The following UNC13A variants were observed in gnomAD, a reference collection of about 807,000 sequenced individuals.
The protein encoded by UNC13A is unc-13 homolog A.
A neutral mutation model predicts 219.7 loss-of-function variants in UNC13A; 61 were observed. The observed-to-expected ratio is 0.28, with a 90% CI of 0.23 to 0.34. The LOEUF is 0.34. UNC13A is among the 10% of genes least tolerant of loss of function. The probability of loss-of-function intolerance (pLI) is 1.00; values close to 1 mark genes in which losing one functional copy is unlikely to be tolerated. For synonymous variants in UNC13A, 920 were observed against 884.6 expected (o/e 1.04, Z -0.71); for missense variants, 1,476 against 2,270.3 (o/e 0.65, Z 7.11).
intron 11 of UNC13A, among the ~76,000 whole-genome samples, chr19:17,653,629 G>A (rs1425121560): frequency 2.7e-5 from 4 of 150,768 alleles, no homozygotes; most frequent in Non-Finnish European, 4.4e-5. Context: ...GATTACAGGC[G>A]TGAGCCACTG....
intron 34 of UNC13A, among the ~76,000 whole-genome samples, chr19:17,625,901 C>T (rs916009149): frequency 6.6e-6 from 1 of 151,756 alleles, no homozygotes; most frequent in East Asian, 1.9e-4. Flanking sequence ...ATTCAATGAT[C>T]TAAATATCTA....
chr19:17,674,574 C>T lies in UNC13A; in HGVS notation c.152+83G>A. The T allele has an allele frequency of 8.0e-7, 1 of 1,256,862 alleles. No individual in the cohort carries two copies. The highest frequency in any genetic ancestry group is 1.8e-5 in the Admixed American group (1 of 57,142). The allele number at this position is 1,256,862 out of a possible 1,614,324, so 77.9% of individuals were successfully genotyped here. A position where few individuals can be genotyped will look rare whatever the true frequency, so the allele number is the denominator to read the frequency against. ...CAGAGGGGAGTCACCCGGGATTCCC[C>T]AGTGTCCAGCTCTGCCCTGAGGGGC... On this transcript the variant is annotated intron_variant, in intron 3 of 43. Coordinates refer to ENST00000519716, the MANE Select transcript of UNC13A (RefSeq NM_001080421.3). This position sits in a 1 kb window ranked among gnomAD's most constrained non-coding sequence, Gnocchi z 5.0.
At chr19:17,680,588 C>A (rs1389536199) in intron 1 of UNC13A, among the ~76,000 whole-genome samples, 1 of 152,042 alleles carries the variant, frequency 6.6e-6, no homozygotes, top group African/African-American at 2.4e-5. Flanking sequence ...TGCGGGACAC[C>A]CCTGCAGCCT....
chr19:17,632,710 C>T (rs1568514442), intron 28 of UNC13A, 72 bp downstream of exon 28: 1 of 1,607,682 alleles, frequency 6.2e-7, no homozygotes, highest in Non-Finnish European at 8.5e-7. Context: ...GGTCAGTCTT[C>T]CTCTCTGGCT....
chr19:17,641,764 A>T (rs2076972702), intron 20 of UNC13A, among the ~76,000 whole-genome samples: 1 of 151,758 alleles, frequency 6.6e-6, no homozygotes, highest in Non-Finnish European at 1.5e-5. Flanking sequence ...ATTCAACCAC[A>T]CATCCATCCA....
intron 41 of UNC13A, among the ~76,000 whole-genome samples, chr19:17,615,518 A>C (rs938631215): frequency 2.0e-5 from 3 of 152,228 alleles, no homozygotes; most frequent in Non-Finnish European, 4.4e-5. Context: ...GTCTCTACTA[A>C]AAATACAAAA....
At chr19:17,667,601 G>A (rs1257129199) in intron 6 of UNC13A, among the ~76,000 whole-genome samples, 1 of 151,822 alleles carries the variant, frequency 6.6e-6, no homozygotes, top group African/African-American at 2.4e-5. Flanking sequence ...AGCCTCCCAA[G>A]GAGCTGGAAT....
At chr19:17,684,197 T>C (rs1328917946) in intron 1 of UNC13A, among the ~76,000 whole-genome samples, 1 of 152,218 alleles carries the variant, frequency 6.6e-6, no homozygotes, top group Non-Finnish European at 1.5e-5. Context: ...CTTTTGCTCA[T>C]GCTGTTCCCT....
chr19:17,686,536 A>G (rs566784143), intron 1 of UNC13A, among the ~76,000 whole-genome samples: 10 of 152,014 alleles, frequency 6.6e-5, no homozygotes, highest in African/African-American at 2.4e-4. Flanking sequence ...TTCCGTCCTC[A>G]GGCCTAGGCG....
intron 2 of UNC13A, among the ~76,000 whole-genome samples, chr19:17,675,342 A>T (rs2079876511): frequency 1.3e-5 from 2 of 151,594 alleles, no homozygotes; most frequent in Admixed American, 1.3e-4. Context: ...AAATAATAAT[A>T]ATAAAAAGGC....
At chr19:17,635,716 CTAT>C (rs368029747) in intron 26 of UNC13A, among the ~76,000 whole-genome samples, 127 of 152,212 alleles carry the variant, frequency 8.3e-4, no homozygotes, top group African/African-American at 2.9e-3. Context: ...TTGAGCAACA[CTAT>C]TATTAATTAA....
At position 17,606,014 on chromosome 19, in the gene UNC13A, C is replaced by A; in HGVS notation, c.*40G>T. On this transcript the variant is annotated 3_prime_UTR_variant, in exon 44 of 44. Coordinates refer to ENST00000519716, the MANE Select transcript of UNC13A (RefSeq NM_001080421.3). Reference sequence around the variant, plus strand: ...AGCCCCGTCCCTCCCCGCCCAGCGCCCTCCGCGCAGGCGCAGTGCCGCTCG... The same window carrying A: ...AGCCCCGTCCCTCCCCGCCCAGCGCACTCCGCGCAGGCGCAGTGCCGCTCG... 1 of 1,400,652 alleles carries A rather than the reference C, an allele frequency of 7.1e-7. No homozygotes were observed. 86.8% of individuals were successfully genotyped at this position (1,400,652 alleles called of 1,614,324 possible). A position where few individuals can be genotyped will look rare whatever the true frequency, so the allele number is the denominator to read the frequency against.
intron 17 of UNC13A, among the ~76,000 whole-genome samples, chr19:17,646,681 G>T (rs2077030554): frequency 6.6e-6 from 1 of 151,770 alleles, no homozygotes; most frequent in Non-Finnish European, 1.5e-5. Context: ...GCCCCCTGCA[G>T]GGTTCCTTCC....
intron 1 of UNC13A, among the ~76,000 whole-genome samples, chr19:17,679,688 C>T (rs1183562227): frequency 1.3e-5 from 2 of 152,100 alleles, no homozygotes; most frequent in African/African-American, 2.4e-5. Context: ...TCTGTTCTCT[C>T]TCTCTCTTTC....
intron 4 of UNC13A, 123 bp downstream of exon 4, chr19:17,672,255 C>T: frequency 2.5e-6 from 2 of 787,366 alleles, no homozygotes; most frequent in Middle Eastern, 2.3e-4. Flanking sequence ...CGTGGCAATC[C>T]CAAGTGTCTA....
chr19:17,630,830 C>G, intron 28 of UNC13A, 80 bp from the exon 29 acceptor site: 2 of 1,314,458 alleles, frequency 1.5e-6, no homozygotes, highest in East Asian at 2.3e-5. Flanking sequence ...GACCCACTAA[C>G]GAGTGGAGCT....
chr19:17,684,492 C>A (rs570325957), intron 1 of UNC13A, among the ~76,000 whole-genome samples: 1 of 152,306 alleles, frequency 6.6e-6, no homozygotes, highest in East Asian at 1.9e-4. Context: ...TAAGTGACTT[C>A]ATGAAGGAAC....
Position 17,649,992 on chromosome 19 carries a change from G to C in UNC13A, c.1440-405C>G, listed in dbSNP as rs1022819028. On this transcript the variant is annotated intron_variant, in intron 12 of 43. Transcript: ENST00000519716. This position sits in a 1 kb window ranked among gnomAD's most constrained non-coding sequence, Gnocchi z 4.4. ...GGAATTCTCTTCTACAGATTTCAGA[G>C]GGAGCATGGCTCTACCAATGCCTTG... is the stretch of plus-strand genomic sequence containing the variant. 6.6e-6 allele frequency among the ~76,000 whole-genome samples: 1 copy of C among 152,144 alleles called. No individual in the cohort carries two copies.
chr19:17,611,667 A>T, intron 42 of UNC13A, 96 bp downstream of exon 42: 1 of 1,167,348 alleles, frequency 8.6e-7, no homozygotes, highest in Non-Finnish European at 1.3e-6. Context: ...ATGGACCATT[A>T]AACAACAACA....
Sources: allele counts gnomAD v4.1 joint callset (sites outside exome capture counted in the v4.1 genomes callset), GRCh38; gene constraint gnomAD v4.1.1; non-coding constraint Gnocchi (gnomAD v3.1); transcripts MANE v1.5; gene names NCBI Gene and HGNC (gene_info 2026-07-23, HGNC 2026-07-21).